Variants in NCKAP5 observed in about 807,000 individuals in gnomAD.
NCKAP5 encodes the protein NCK associated protein 5, also known as nck-associated protein 5.
A neutral mutation model predicts 167.0 loss-of-function variants in NCKAP5; 92 were observed. That is an observed-to-expected ratio of 0.55 (90% confidence interval 0.47 to 0.66). The LOEUF (loss-of-function observed/expected upper bound fraction) is 0.66. NCKAP5 is among the 30% of genes least tolerant of loss of function. The pLI is 0.00. For missense variants in NCKAP5, 2,378 were observed against 2,315.0 expected (o/e 1.03, Z -0.56); for synonymous variants, 891 against 877.4 (o/e 1.02, Z -0.27).
At chr2:132,681,802 G>A (rs528949870) in intron 19 of NCKAP5, among the ~76,000 whole-genome samples, 155 of 152,256 alleles carry the variant, frequency 1.0e-3, no homozygotes, top group African/African-American at 3.7e-3. Flanking sequence ...AGATGACCTG[G>A]AATTACTTCC....
intron 6 of NCKAP5, among the ~76,000 whole-genome samples, chr2:132,998,844 CAG>C (rs1306080143): frequency 2.0e-5 from 3 of 152,086 alleles, no homozygotes; most frequent in African/African-American, 7.2e-5. Flanking sequence ...CAGGCTTGGG[CAG>C]AGTTTTGTGT....
chr2:133,564,803 G>A lies in NCKAP5; in HGVS notation c.-130+3413C>T, dbSNP rs6729556. Among the ~76,000 whole-genome samples, 1,038 of 152,240 alleles carry A rather than the reference G, an allele frequency of 6.8e-3. 12 individuals are homozygous for A. The highest frequency in any genetic ancestry group is 0.023 in the African/African-American group (976 of 41,548). On this transcript the variant is annotated intron_variant, in intron 1 of 19. Transcript: ENST00000409261. ...TGAAGCAAGGCTCACAGGTGCCACC[G>A]TGGGAAAGGGGTAGGCACAGGGCAG...
At chr2:133,123,643 G>T (rs1038271341) in intron 6 of NCKAP5, 4 of 360,706 alleles carry the variant, frequency 1.1e-5, no homozygotes, top group South Asian at 8.8e-5. Flanking sequence ...TTCATCAGGA[G>T]GAGCAAGGCA....
chr2:132,936,021 G>T (rs1011622230), intron 8 of NCKAP5, among the ~76,000 whole-genome samples: 3 of 145,252 alleles, frequency 2.1e-5, no homozygotes, highest in Non-Finnish European at 3.0e-5. Context: ...CCGCTCTGTC[G>T]CCCAGGCTGG....
intron 5 of NCKAP5, among the ~76,000 whole-genome samples, chr2:133,157,417 T>C (rs1409693115): frequency 1.3e-5 from 2 of 152,200 alleles, no homozygotes; most frequent in Admixed American, 6.5e-5. Flanking sequence ...AGAGGAAAGG[T>C]TTCCCATCTG....
the NCKAP5 span, among the ~76,000 whole-genome samples, chr2:133,660,453 A>C: frequency 6.6e-6 from 1 of 151,876 alleles, no homozygotes; most frequent in Non-Finnish European, 1.5e-5. Flanking sequence ...AATAACATAC[A>C]CCAATGTTAC....
chr2:133,513,614 C>T (rs924750310), intron 3 of NCKAP5, among the ~76,000 whole-genome samples: 5 of 152,156 alleles, frequency 3.3e-5, no homozygotes, highest in East Asian at 1.9e-4. Flanking sequence ...ATTACTATAA[C>T]GATTTGGATA....
intron 17 of NCKAP5, among the ~76,000 whole-genome samples, chr2:132,730,668 G>A (rs913730268): frequency 6.6e-6 from 1 of 152,166 alleles, no homozygotes; most frequent in Non-Finnish European, 1.5e-5. Flanking sequence ...AGCAGCCGCC[G>A]CTGAATTGAG....
At chr2:133,024,444 C>T (rs904915662) in intron 6 of NCKAP5, among the ~76,000 whole-genome samples, 10 of 152,082 alleles carry the variant, frequency 6.6e-5, no homozygotes, top group Non-Finnish European at 1.0e-4. Flanking sequence ...TCTGAATAAG[C>T]AAACATAAAC....
At chr2:132,716,650 T>A (rs1689398307) in intron 19 of NCKAP5, among the ~76,000 whole-genome samples, 1 of 151,952 alleles carries the variant, frequency 6.6e-6, no homozygotes, top group African/African-American at 2.4e-5. Flanking sequence ...CTGGGGGGCA[T>A]CTCTTCCCTC....
At chr2:133,272,739 C>A (rs1378103820) in intron 4 of NCKAP5, among the ~76,000 whole-genome samples, 2 of 152,282 alleles carry the variant, frequency 1.3e-5, no homozygotes, top group African/African-American at 4.8e-5. Context: ...CAGAGGCAAC[C>A]AACAATCTGC....
At chr2:133,240,673 C>G (rs1046242638) in intron 4 of NCKAP5, among the ~76,000 whole-genome samples, 4 of 152,122 alleles carry the variant, frequency 2.6e-5, no homozygotes, top group African/African-American at 9.7e-5. Flanking sequence ...TTTTGCCAGG[C>G]GGGAGAGGAT....
intron 6 of NCKAP5, among the ~76,000 whole-genome samples, chr2:133,088,599 C>A (rs1158477842): frequency 6.6e-6 from 1 of 151,932 alleles, no homozygotes; most frequent in African/African-American, 2.4e-5. Flanking sequence ...TTTTCCAACC[C>A]CATCAGATGC....
At chr2:133,088,321 G>A (rs1045095078) in intron 6 of NCKAP5, among the ~76,000 whole-genome samples, 1 of 152,104 alleles carries the variant, frequency 6.6e-6, no homozygotes, top group Admixed American at 6.6e-5. Context: ...GCCTCCAGTA[G>A]TTGGTCCTCA....
At chr2:133,284,109 CTG>C (rs1280770643) in intron 4 of NCKAP5, among the ~76,000 whole-genome samples, 1 of 151,836 alleles carries the variant, frequency 6.6e-6, no homozygotes, top group Non-Finnish European at 1.5e-5. Context: ...TGTGGTTGCT[CTG>C]TGAGTATCAT....
At chr2:133,207,720 A>C (rs2086017203) in intron 5 of NCKAP5, among the ~76,000 whole-genome samples, 1 of 152,220 alleles carries the variant, frequency 6.6e-6, no homozygotes. Flanking sequence ...AGCTAGGATA[A>C]ATTGAGCCAA....
intron 4 of NCKAP5, among the ~76,000 whole-genome samples, chr2:133,221,476 C>T (rs2086661448): frequency 6.6e-6 from 1 of 152,188 alleles, no homozygotes; most frequent in Admixed American, 6.5e-5. Context: ...TCAGCAAACA[C>T]TTAATGTGAG....
At chr2:133,335,040 CTAAG>C (rs1450726475) in intron 3 of NCKAP5, among the ~76,000 whole-genome samples, 1 of 152,140 alleles carries the variant, frequency 6.6e-6, no homozygotes, top group African/African-American at 2.4e-5. Context: ...ATTCATTGTG[CTAAG>C]TGTTTTGCAT....
chr2:132,903,757 G>C (rs769164611), intron 8 of NCKAP5, among the ~76,000 whole-genome samples: 4 of 152,158 alleles, frequency 2.6e-5, no homozygotes, highest in African/African-American at 9.6e-5. Flanking sequence ...TTGGGAGGAA[G>C]TTCTTATTTT....
Sources: allele counts gnomAD v4.1 joint callset (sites outside exome capture counted in the v4.1 genomes callset), GRCh38; gene constraint gnomAD v4.1.1; transcripts MANE v1.5; gene names NCBI Gene and HGNC (gene_info 2026-07-23, HGNC 2026-07-21).